Variants in RAB6A observed in about 807,000 individuals in gnomAD.
RAB6A encodes the protein ras-related protein Rab-6A.
Under a neutral mutation model 32.3 loss-of-function variants are expected in RAB6A, and 8 were observed. The ratio of observed to expected loss-of-function variants is 0.25; its 90% CI spans 0.15 to 0.45. RAB6A has a LOEUF of 0.45. Among genes scored for constraint, RAB6A ranks in the 20% least tolerant of loss-of-function variants. The pLI is 1.00. For missense variants in RAB6A, 104 were observed against 249.4 expected (o/e 0.42, Z 3.93); for synonymous variants, 73 against 82.1 (o/e 0.89, Z 0.60).
At chr11:73,757,137 T>A (rs1298305262) in intron 1 of RAB6A, among the ~76,000 whole-genome samples, 65 of 84,682 alleles carry the variant, frequency 7.7e-4, no homozygotes, top group African/African-American at 1.2e-3. Flanking sequence ...ATATTTTTTT[T>A]TTTTTTTTTT....
chr11:73,683,946 G>A (rs748597644), intron 6 of RAB6A, among the ~76,000 whole-genome samples: 19 of 152,066 alleles, frequency 1.2e-4, no homozygotes, highest in Non-Finnish European at 2.6e-4. Flanking sequence ...TAAAAGAATC[G>A]ATCAATGCAG....
At chr11:73,758,895 A>G (rs911342148) in intron 1 of RAB6A, among the ~76,000 whole-genome samples, 1 of 152,158 alleles carries the variant, frequency 6.6e-6, no homozygotes, top group Non-Finnish European at 1.5e-5. Context: ...CTACCAAGTT[A>G]CTCACCTAAA....
At chr11:73,695,200 TTTCAAA>T (rs1430678196) in intron 6 of RAB6A, among the ~76,000 whole-genome samples, 1 of 151,998 alleles carries the variant, frequency 6.6e-6, no homozygotes, top group Non-Finnish European at 1.5e-5. Context: ...TTACAAAGGT[TTTCAAA>T]TTCAAACTTA....
chr11:73,752,311 C>T (rs1590893985), intron 1 of RAB6A, among the ~76,000 whole-genome samples: 1 of 152,158 alleles, frequency 6.6e-6, no homozygotes, highest in Middle Eastern at 3.4e-3. Flanking sequence ...CAAAAATTAG[C>T]CAGGTATGGT....
intron 2 of RAB6A, among the ~76,000 whole-genome samples, chr11:73,724,470 C>G (rs1008881039): frequency 1.3e-5 from 2 of 151,494 alleles, no homozygotes; most frequent in Admixed American, 6.6e-5. Context: ...ATCATGTTTT[C>G]CTAAATGCAT....
intron 6 of RAB6A, among the ~76,000 whole-genome samples, chr11:73,698,576 A>G (rs1410825254): frequency 6.6e-6 from 1 of 152,182 alleles, no homozygotes; most frequent in Non-Finnish European, 1.5e-5. Flanking sequence ...TCTCTCTAAA[A>G]TCAGACCAAC....
intron 2 of RAB6A, among the ~76,000 whole-genome samples, chr11:73,727,085 T>G (rs751943544): frequency 1.3e-5 from 2 of 152,086 alleles, no homozygotes; most frequent in Non-Finnish European, 2.9e-5. Context: ...AAGAAAGAAA[T>G]AAAACAATCA....
At chr11:73,736,604 C>T (rs1260507236) in intron 1 of RAB6A, among the ~76,000 whole-genome samples, 1 of 151,658 alleles carries the variant, frequency 6.6e-6, no homozygotes, top group Non-Finnish European at 1.5e-5. Flanking sequence ...CCAGCCTGGC[C>T]AGCATGGTGA....
At chr11:73,690,694 T>A (rs1945539236) in intron 6 of RAB6A, among the ~76,000 whole-genome samples, 1 of 91,244 alleles carries the variant, frequency 1.1e-5, no homozygotes. Flanking sequence ...CCATGTAACA[T>A]CTTAAAAAAA....
rs142411466 is a variant in RAB6A at position 73,692,603 on chromosome 11, A to C, written c.496-12883T>G. On this transcript the variant is annotated intron_variant, in intron 6 of 7. Transcript: ENST00000336083. ...GGGATTTCAAACTTACATGCATAAG[A>C]GGGTTACAGTGAGGGAAAACTCTGA... is the stretch of plus-strand genomic sequence containing the variant. Among the ~76,000 whole-genome samples, 8 of 151,232 alleles carry C rather than the reference A, an allele frequency of 5.3e-5. No individual in the cohort carries two copies. In the East Asian group the frequency reaches 1.6e-3, roughly 29 times the overall value.
chr11:73,709,142 C>A (rs892384731), intron 5 of RAB6A, among the ~76,000 whole-genome samples: 28 of 152,052 alleles, frequency 1.8e-4, no homozygotes, highest in Non-Finnish European at 3.7e-4. Flanking sequence ...TCTTATATAA[C>A]CACAGTACAA....
At chr11:73,759,919 G>GA in intron 1 of RAB6A, 1 of 761,172 alleles carries the variant, frequency 1.3e-6, no homozygotes, top group South Asian at 1.6e-5. Flanking sequence ...CACTGCCGAC[G>GA]CTACCCCTTT....
At chr11:73,691,032 C>T (rs1218345387) in intron 6 of RAB6A, among the ~76,000 whole-genome samples, 6 of 124,310 alleles carry the variant, frequency 4.8e-5, no homozygotes, top group Admixed American at 2.6e-4. Flanking sequence ...GGTGGGGGGG[C>T]GATGCTGGGG....
intron 1 of RAB6A, among the ~76,000 whole-genome samples, chr11:73,756,926 G>A (rs986924702): frequency 3.3e-5 from 5 of 150,188 alleles, no homozygotes; most frequent in African/African-American, 4.9e-5. Context: ...TGCCTGCCTC[G>A]GACTCCTAAA....
At position 73,760,653 on chromosome 11, in the gene RAB6A, G is replaced by A. The variant is rs1396825704; in HGVS notation, c.-18C>T. The stretch of plus-strand genomic sequence containing the variant: ...GTGGACATTGTGGAACTAGAGGAGC[G>A]GCCGCCGCCTCAGCCTAGAGACCTC... On this transcript the variant is annotated 5_prime_UTR_variant, in exon 1 of 8. Transcript: ENST00000336083. The A allele has an allele frequency of 6.2e-7, 1 of 1,602,784 alleles. No individual in the cohort carries two copies. The highest frequency in any genetic ancestry group is 1.7e-5 in the Admixed American group (1 of 58,382).
intron 5 of RAB6A, among the ~76,000 whole-genome samples, chr11:73,714,209 A>AAATATATATAT (rs35864471): frequency 1.0e-3 from 60 of 57,544 alleles, no homozygotes; most frequent in Non-Finnish European, 1.4e-3. Context: ...AAAAAAAAAA[A>AAATATATATAT]ATATATATAT....
Position 73,712,772 on chromosome 11 carries a change from T to C in RAB6A, c.401+3479A>G, listed in dbSNP as rs1590853251. Among the ~76,000 whole-genome samples, 2 of 145,026 alleles carry C rather than the reference T, an allele frequency of 1.4e-5. 1 individual carries two copies. Among genetic ancestry groups the C allele is most frequent in the South Asian group, 4.7e-4 (2 of 4,288 alleles). ...TTTCACTCTGTCACCCATGCTGGGG[T>C]GCAGTGACACGATCTCAGATCACTG... On this transcript the variant is annotated intron_variant, in intron 5 of 7. Transcript: ENST00000336083.
chr11:73,752,719 G>A (rs1437685241), intron 1 of RAB6A, among the ~76,000 whole-genome samples: 2 of 152,006 alleles, frequency 1.3e-5, no homozygotes, highest in African/African-American at 2.4e-5. Flanking sequence ...TCAAGAGGCC[G>A]AGGTGGGAGG....
intron 2 of RAB6A, among the ~76,000 whole-genome samples, chr11:73,724,070 T>C (rs940683986): frequency 6.6e-6 from 1 of 152,250 alleles, no homozygotes; most frequent in African/African-American, 2.4e-5. Context: ...TCAAATTCCA[T>C]ATAAACGCTT....
Sources: gnomAD v4.1 joint callset for allele counts (sites outside exome capture counted in the v4.1 genomes callset) on GRCh38, gnomAD v4.1.1 for gene constraint, MANE v1.5 for transcripts, NCBI Gene and HGNC (gene_info 2026-07-23, HGNC 2026-07-21) for gene names.